Variants in MNAT1 observed in about 807,000 individuals in gnomAD.
MNAT1 encodes the protein MNAT1 component of CDK activating kinase, also known as CDK-activating kinase assembly factor MAT1.
In MNAT1, 43 loss-of-function variants were observed where a neutral mutation model predicts 42.0. That is an observed-to-expected ratio of 1.02 (90% CI 0.80 to 1.32). The LOEUF (loss-of-function observed/expected upper bound fraction) is 1.32. Among genes scored for constraint, MNAT1 ranks in the 40% most tolerant of loss-of-function variants. The pLI is 0.00. For missense variants in MNAT1, 306 were observed against 350.4 expected (o/e 0.87, Z 1.01); for synonymous variants, 118 against 120.0 (o/e 0.98, Z 0.11).
intron 7 of MNAT1, among the ~76,000 whole-genome samples, chr14:60,905,257 C>T (rs2035170976): frequency 6.6e-6 from 1 of 151,754 alleles, no homozygotes. Context: ...TGTTAAGATG[C>T]TGTTAGATGT....
chr14:60,764,967 T>C (rs2030754175), intron 1 of MNAT1, among the ~76,000 whole-genome samples: 2 of 152,166 alleles, frequency 1.3e-5, no homozygotes, highest in Admixed American at 6.5e-5. Context: ...GTTTGGAATA[T>C]AGGCCAGGCG....
Position 60,831,884 on chromosome 14 carries a change from A to G in MNAT1, c.687+13037A>G, listed in dbSNP as rs142314323. ...TGATCGCCATTCTAACTGGCATGAG[A>G]TGGTATCTCATTGTGGTTTTGATTT... On this transcript the variant is annotated intron_variant, in intron 6 of 7. Transcript: ENST00000261245. Among the ~76,000 whole-genome samples, 1,088 of 152,240 alleles carry G rather than the reference A, an allele frequency of 7.1e-3. 18 individuals are homozygous for G. The highest frequency in any genetic ancestry group is 0.025 in the African/African-American group (1,032 of 41,556).
intron 1 of MNAT1, among the ~76,000 whole-genome samples, chr14:60,755,247 G>A (rs975691317): frequency 4.6e-5 from 7 of 152,060 alleles, no homozygotes; most frequent in African/African-American, 1.7e-4. Context: ...AGGTTCAAGT[G>A]ATTCTTCTGC....
chr14:60,910,325 C>T (rs1163494257), intron 7 of MNAT1, among the ~76,000 whole-genome samples: 4 of 151,082 alleles, frequency 2.6e-5, no homozygotes, highest in African/African-American at 4.9e-5. Context: ...TTTCCTTCTC[C>T]TGCCTGATTG....
At chr14:60,801,602 G>A (rs2032203065) in intron 3 of MNAT1, among the ~76,000 whole-genome samples, 1 of 152,174 alleles carries the variant, frequency 6.6e-6, no homozygotes, top group Non-Finnish European at 1.5e-5. Flanking sequence ...CTAATCATCA[G>A]AGAAATGCAA....
At chr14:60,920,992 A>T (rs1295242779) in intron 7 of MNAT1, among the ~76,000 whole-genome samples, 3 of 152,112 alleles carry the variant, frequency 2.0e-5, no homozygotes, top group African/African-American at 7.2e-5. Flanking sequence ...TATGATTGTA[A>T]CCTAAGTCTC....
chr14:60,960,460 C>G (rs1448439513), intron 7 of MNAT1, among the ~76,000 whole-genome samples: 1 of 152,104 alleles, frequency 6.6e-6, no homozygotes, highest in Non-Finnish European at 1.5e-5. Flanking sequence ...TCTGGTAACT[C>G]CAAATTGGTA....
chr14:60,873,635 ATTTTT>A (rs11351310), intron 6 of MNAT1, among the ~76,000 whole-genome samples: 1 of 108,248 alleles, frequency 9.2e-6, no homozygotes. Flanking sequence ...TGCCTGGCTA[ATTTTT>A]TTTTTTTTTT....
At chr14:60,891,829 C>A (rs1958278) in intron 7 of MNAT1, among the ~76,000 whole-genome samples, 140,585 of 152,182 alleles carry the variant, frequency 0.92, 65,487 homozygotes, top group Non-Finnish European at 0.99. Context: ...GTGTCCCATA[C>A]GTTTTGGTAT....
At chr14:60,843,914 T>C (rs2033614735) in intron 6 of MNAT1, among the ~76,000 whole-genome samples, 1 of 152,230 alleles carries the variant, frequency 6.6e-6, no homozygotes, top group African/African-American at 2.4e-5. Context: ...CTTTGTAGTT[T>C]TTGCATTTAT....
At chr14:60,891,907 T>G (rs1156851348) in intron 7 of MNAT1, among the ~76,000 whole-genome samples, 1 of 152,228 alleles carries the variant, frequency 6.6e-6, no homozygotes, top group East Asian at 1.9e-4. Context: ...TTTGAAACAT[T>G]GGTTATTTAA....
At chr14:60,852,954 T>C (rs1443878462) in intron 6 of MNAT1, among the ~76,000 whole-genome samples, 1 of 152,204 alleles carries the variant, frequency 6.6e-6, no homozygotes, top group Non-Finnish European at 1.5e-5. Context: ...TGTAGCCTTG[T>C]AGTATAGTTT....
At chr14:60,865,350 C>T (rs925520767) in intron 6 of MNAT1, among the ~76,000 whole-genome samples, 5 of 152,050 alleles carry the variant, frequency 3.3e-5, no homozygotes, top group Admixed American at 2.0e-4. Context: ...ATAAAGTTCA[C>T]TTATAGTGCC....
rs999350912 is a variant in MNAT1 at position 60,737,499 on chromosome 14, C to T, written c.89+2548C>T. Among the ~76,000 whole-genome samples, 4 of 151,874 alleles carry T rather than the reference C, an allele frequency of 2.6e-5. No individual in the cohort carries two copies. The East Asian group carries it at 7.7e-4, about 29-fold the overall frequency. Reference sequence around the variant, plus strand: ...CCTCTTTTAACAATTTGATAGTAGTCCATTGTTCAAATATAATTTATTTAC... The same window carrying T: ...CCTCTTTTAACAATTTGATAGTAGTTCATTGTTCAAATATAATTTATTTAC... On this transcript the variant is annotated intron_variant, in intron 1 of 7. Transcript: ENST00000261245.
rs191128752 is a variant in MNAT1 at position 60,948,692 on chromosome 14, T to C, written c.810-19537T>C. Among the ~76,000 whole-genome samples the C allele has an allele frequency of 1.7e-3, 255 of 152,312 alleles. 1 individual carries two copies. The highest frequency in any genetic ancestry group is 5.4e-3 in the African/African-American group (224 of 41,568). ...TTTATGTTTTTCTTCCTATTAGACT[T>C]ATATCTCCTAGAAAACAGGGACTGT... On this transcript the variant is annotated intron_variant, in intron 7 of 7. Coordinates refer to ENST00000261245, the MANE Select transcript of MNAT1 (RefSeq NM_002431.4).
At chr14:60,832,019 G>A (rs1408344720) in intron 6 of MNAT1, among the ~76,000 whole-genome samples, 1 of 152,032 alleles carries the variant, frequency 6.6e-6, no homozygotes, top group Non-Finnish European at 1.5e-5. Context: ...ACTTTTTGAT[G>A]GGATTGTTTG....
intron 6 of MNAT1, among the ~76,000 whole-genome samples, chr14:60,819,711 A>G (rs117578213): frequency 0.022 from 3,411 of 152,238 alleles, 75 homozygotes; most frequent in Admixed American, 0.042. Context: ...AGTCATGGTT[A>G]CGGATTTGGA....
At chr14:60,841,616 G>A (rs1026821201) in intron 6 of MNAT1, among the ~76,000 whole-genome samples, 1 of 151,916 alleles carries the variant, frequency 6.6e-6, no homozygotes, top group Non-Finnish European at 1.5e-5. Context: ...TCCTTTCTGA[G>A]TCTGCTTCTA....
chr14:60,837,187 C>T (rs1276044947), intron 6 of MNAT1, among the ~76,000 whole-genome samples: 1 of 152,196 alleles, frequency 6.6e-6, no homozygotes, highest in Admixed American at 6.5e-5. Flanking sequence ...CTGGGCTAGA[C>T]CACTTGGCTC....
Sources: allele counts gnomAD v4.1 joint callset (sites outside exome capture counted in the v4.1 genomes callset), GRCh38; gene constraint gnomAD v4.1.1; transcripts MANE v1.5; gene names NCBI Gene and HGNC (gene_info 2026-07-23, HGNC 2026-07-21).